The following DPH6 variants were observed in gnomAD, a reference collection of about 807,000 sequenced individuals.
DPH6 encodes the protein diphthine--ammonia ligase.
In DPH6, 33 loss-of-function variants were observed where a neutral mutation model predicts 38.2. That is an observed-to-expected ratio of 0.86 (90% CI 0.65 to 1.15). The LOEUF is 1.15. DPH6 is among the 50% of genes most tolerant of loss of function. The pLI is 0.00. For missense variants in DPH6, 325 were observed against 320.0 expected (o/e 1.02, Z -0.12); for synonymous variants, 108 against 103.0 (o/e 1.05, Z -0.30).
At chr15:35,167,088 C>T in the DPH6 span, among the ~76,000 whole-genome samples, 27 of 151,978 alleles carry the variant, frequency 1.8e-4, no homozygotes, top group Non-Finnish European at 3.8e-4. Flanking sequence ...CTATTTACAA[C>T]AATCAACAAT....
At chr15:35,296,815 T>TTTTTTTTTTTTTTTTTG in intron 3 of DPH6, among the ~76,000 whole-genome samples, 1 of 138,172 alleles carries the variant, frequency 7.2e-6, no homozygotes, top group East Asian at 2.7e-4. Flanking sequence ...TTTTTTTTTT[T>TTTTTTTTTTTTTTTTTG]GAGACGGAGT....
At chr15:35,261,129 A>T (rs777734149) in intron 3 of DPH6, among the ~76,000 whole-genome samples, 42 of 152,184 alleles carry the variant, frequency 2.8e-4, no homozygotes, top group Non-Finnish European at 1.9e-4. Flanking sequence ...TTCCCAGATG[A>T]TTAACTTCGT....
chr15:35,153,368 A>G, the DPH6 span, among the ~76,000 whole-genome samples: 1 of 152,180 alleles, frequency 6.6e-6, no homozygotes, highest in African/African-American at 2.4e-5. Context: ...ATTTTTAAAA[A>G]TTATAGTTTA....
rs1313935260 is a variant in DPH6, at chr15:35,543,258, TAATATATATATATATA to T, written c.24-767_24-752del. ...CATACATATAGTACACACATACACA[TAATATATATATATATA>T]TATATATATATATATATATATATAT... On this transcript the variant is annotated intron_variant, in intron 1 of 8. Coordinates refer to ENST00000256538, the MANE Select transcript of DPH6 (RefSeq NM_080650.4). Among the ~76,000 whole-genome samples, 101 of 92,630 alleles carry T rather than the reference TAATATATATATATATA, an allele frequency of 1.1e-3. 2 individuals are homozygous for T. The highest frequency in any genetic ancestry group is 2.8e-3 in the African/African-American group (63 of 22,360). The allele number at this position is 92,630 out of a possible 152,430, so 60.8% of individuals were successfully genotyped here.
chr15:35,340,314 G>A (rs367911292), intron 3 of DPH6, among the ~76,000 whole-genome samples: 2 of 152,126 alleles, frequency 1.3e-5, no homozygotes, highest in South Asian at 2.1e-4. Flanking sequence ...ACATTGATGG[G>A]TCTTGGCTGT....
intron 5 of DPH6, among the ~76,000 whole-genome samples, chr15:35,435,109 T>G (rs1298528698): frequency 6.6e-6 from 1 of 152,126 alleles, no homozygotes; most frequent in African/African-American, 2.4e-5. Context: ...AATACTGTAT[T>G]GTTAGAAATA....
chr15:35,497,663 G>A (rs75283709), intron 3 of DPH6, among the ~76,000 whole-genome samples: 1 of 152,216 alleles, frequency 6.6e-6, no homozygotes, highest in African/African-American at 2.4e-5. Flanking sequence ...TCTGTGAATC[G>A]ATAAAAATGT....
intron 3 of DPH6, among the ~76,000 whole-genome samples, chr15:35,231,876 C>T (rs920558689): frequency 2.6e-5 from 4 of 152,120 alleles, no homozygotes; most frequent in East Asian, 3.9e-4. Context: ...CTCATGATCT[C>T]GCAGGAGCAA....
chr15:35,252,897 T>A (rs1326304408), intron 3 of DPH6, among the ~76,000 whole-genome samples: 1 of 152,246 alleles, frequency 6.6e-6, no homozygotes, highest in African/African-American at 2.4e-5. Context: ...CAACTTTCTT[T>A]ATCCAGTTGA....
At chr15:35,392,283 C>T (rs2053070543) in intron 6 of DPH6, among the ~76,000 whole-genome samples, 1 of 151,986 alleles carries the variant, frequency 6.6e-6, no homozygotes, top group Non-Finnish European at 1.5e-5. Context: ...GATTATTGAA[C>T]TGAATGGCTA....
At chr15:35,288,331 T>G (rs542754792) in intron 3 of DPH6, among the ~76,000 whole-genome samples, 7 of 152,288 alleles carry the variant, frequency 4.6e-5, no homozygotes, top group Non-Finnish European at 1.0e-4. Flanking sequence ...AGATTTTACT[T>G]TTAGGGAAGA....
chr15:35,542,328 C>G lies in DPH6; in HGVS notation c.118+85G>C, dbSNP rs1464310306. Reference sequence around the variant, plus strand: ...TATTTATTGGTTCTTTTTTTTTCATCTTTGTACGGTATACCTGTACAATGT... The same window carrying G: ...TATTTATTGGTTCTTTTTTTTTCATGTTTGTACGGTATACCTGTACAATGT... On this transcript the variant is annotated intron_variant, in intron 2 of 8. Transcript: ENST00000256538. The G allele has an allele frequency of 3.6e-6, 4 of 1,124,588 alleles. No individual in the cohort carries two copies. The African/African-American group carries it at 4.6e-5, about 13-fold the overall frequency. The allele number at this position is 1,124,588 out of a possible 1,614,324, so 69.7% of individuals were successfully genotyped here. A position where few individuals can be genotyped will look rare whatever the true frequency, so the allele number is the denominator to read the frequency against.
At chr15:35,218,331 C>A (rs575790961) in exon 4 of DPH6, 25 of 152,280 alleles carry the variant, frequency 1.6e-4, no homozygotes, top group Non-Finnish European at 2.9e-4. Context: ...TAAGCTAAAT[C>A]TTTGTTATGA....
intron 3 of DPH6, among the ~76,000 whole-genome samples, chr15:35,244,167 A>G (rs918730327): frequency 1.3e-5 from 2 of 152,240 alleles, no homozygotes; most frequent in African/African-American, 4.8e-5. Context: ...AAGATATTTA[A>G]TTAATGCCTT....
At chr15:35,282,749 A>G (rs2051907645) in intron 3 of DPH6, 5 of 353,508 alleles carry the variant, frequency 1.4e-5, no homozygotes, top group Non-Finnish European at 1.7e-5. Context: ...GAAAGCTGCC[A>G]TTGTGGAGAA....
intron 3 of DPH6, among the ~76,000 whole-genome samples, chr15:35,493,055 C>T (rs1386437511): frequency 6.6e-6 from 1 of 152,054 alleles, no homozygotes; most frequent in Non-Finnish European, 1.5e-5. Flanking sequence ...ATAAAAAGGC[C>T]ACTACCTTTA....
At chr15:35,214,142 A>T (rs2051401474), downstream of DPH6, among the ~76,000 whole-genome samples, 1 of 150,490 alleles carries the variant, frequency 6.6e-6, no homozygotes, top group Non-Finnish European at 1.5e-5. Context: ...TAAAGAAGAG[A>T]GAGGCTATGT....
chr15:35,510,374 G>A (rs1468155567), intron 3 of DPH6, among the ~76,000 whole-genome samples: 1 of 152,102 alleles, frequency 6.6e-6, no homozygotes, highest in East Asian at 1.9e-4. Context: ...TTTATTGCTG[G>A]AAGCTCTGTC....
intron 3 of DPH6, among the ~76,000 whole-genome samples, chr15:35,332,550 T>C (rs753763082): frequency 3.3e-5 from 5 of 152,296 alleles, no homozygotes; most frequent in Non-Finnish European, 7.4e-5. Flanking sequence ...AAAGGCCATA[T>C]ATTATTGCAG....
Sources: allele counts gnomAD v4.1 joint callset (sites outside exome capture counted in the v4.1 genomes callset), GRCh38; gene constraint gnomAD v4.1.1; transcripts MANE v1.5; gene names NCBI Gene and HGNC (gene_info 2026-07-23, HGNC 2026-07-21).